The following TRMT9B variants were observed in gnomAD, a reference collection of about 807,000 sequenced individuals.
TRMT9B encodes the protein tRNA methyltransferase 9B (putative).
TRMT9B carries 16 observed loss-of-function variants against 11.5 expected under a neutral mutation model. That is an observed-to-expected ratio of 1.39 (90% confidence interval 0.94 to 2.11). TRMT9B has a LOEUF of 2.11. TRMT9B is among the 30% of genes most tolerant of loss of function. The pLI is 0.00. For synonymous variants in TRMT9B, 274 were observed against 192.4 expected, an observed-to-expected ratio of 1.42 and a Z score of -3.51; for missense variants, 941 against 553.8, an observed-to-expected ratio of 1.70 and a Z score of -7.02.
rs1243464422 is a variant in TRMT9B at position 13,022,087 on chromosome 8, C to G, written c.*43C>G. The G allele has an allele frequency of 7.1e-7, 1 of 1,405,230 alleles. No homozygotes were observed. Among genetic ancestry groups the G allele is most frequent in the South Asian group, 1.4e-5 (1 of 69,946 alleles). 87.0% of individuals were successfully genotyped at this position (1,405,230 alleles called of 1,614,324 possible). On this transcript the variant is annotated 3_prime_UTR_variant, in exon 5 of 5. Coordinates refer to ENST00000524591, the MANE Select transcript of TRMT9B (RefSeq NM_020844.3). ...ACTCCTCCAAAAGATGAACCACATTCTTTCCTCTTGGTTTGATATGGTTAC... is the reference window on the plus strand; with the variant it reads ...ACTCCTCCAAAAGATGAACCACATTGTTTCCTCTTGGTTTGATATGGTTAC...
chr8:13,026,284 A>C lies in TRMT9B; in HGVS notation c.*4240A>C, dbSNP rs1277459166. On this transcript the variant is annotated 3_prime_UTR_variant, in exon 5 of 5. Coordinates refer to ENST00000524591, the MANE Select transcript of TRMT9B (RefSeq NM_020844.3). ...CATTCAACTATCGCAAGGACAAAAA[A>C]CCAAACACCGCATGTTCTCACTCAT... 6.0e-6 allele frequency: 1 copy of C among 167,178 alleles called. No homozygotes were observed. Among genetic ancestry groups the C allele is most frequent in the Non-Finnish European group, 1.5e-5 (1 of 68,160 alleles). 10.4% of individuals were successfully genotyped at this position (167,178 alleles called of 1,614,324 possible).
At chr8:12,950,402 T>C (rs1443394575) in intron 1 of TRMT9B, among the ~76,000 whole-genome samples, 1 of 152,188 alleles carries the variant, frequency 6.6e-6, no homozygotes, top group Non-Finnish European at 1.5e-5. Context: ...ACAAGGAACA[T>C]CACAGTATCC....
intron 1 of TRMT9B, among the ~76,000 whole-genome samples, chr8:12,954,343 T>C (rs1257856776): frequency 6.6e-6 from 1 of 152,214 alleles, no homozygotes; most frequent in African/African-American, 2.4e-5. Flanking sequence ...GTCTCCAAAA[T>C]TTGAAACACA....
At chr8:12,993,569 A>T (rs1457879206) in intron 2 of TRMT9B, among the ~76,000 whole-genome samples, 1 of 152,180 alleles carries the variant, frequency 6.6e-6, no homozygotes, top group East Asian at 1.9e-4. Flanking sequence ...ACTAGCTGAG[A>T]TACTAGGGGA....
intron 1 of TRMT9B, chr8:12,962,294 A>G (rs1348200092): frequency 1.3e-5 from 2 of 152,260 alleles, no homozygotes; most frequent in Non-Finnish European, 2.9e-5. Flanking sequence ...CATTATGTGT[A>G]GAAACCTACA....
At chr8:13,018,446 C>T (rs1169981194) in intron 4 of TRMT9B, among the ~76,000 whole-genome samples, 2 of 150,502 alleles carry the variant, frequency 1.3e-5, no homozygotes, top group African/African-American at 4.9e-5. Context: ...GAAGTCCAAT[C>T]AAATTCTGAA....
intron 3 of TRMT9B, chr8:13,006,613 C>T: frequency 7.2e-7 from 1 of 1,384,108 alleles, no homozygotes; most frequent in South Asian, 1.9e-5. Flanking sequence ...CATTTTACAG[C>T]AGAAACTCGA....
intron 1 of TRMT9B, 73 bp from the exon 2 acceptor site, chr8:12,990,761 C>A: frequency 1.0e-6 from 1 of 1,004,506 alleles, no homozygotes. Flanking sequence ...GTCAGGAAGT[C>A]AGCCTGGGCT....
chr8:12,981,987 G>A (rs1244715769), intron 1 of TRMT9B, among the ~76,000 whole-genome samples: 5 of 152,138 alleles, frequency 3.3e-5, no homozygotes, highest in African/African-American at 9.7e-5. Flanking sequence ...TTGAGATCAT[G>A]ACCTCCTAAA....
chr8:12,983,509 A>C (rs1395771993), intron 1 of TRMT9B, among the ~76,000 whole-genome samples: 1 of 152,092 alleles, frequency 6.6e-6, no homozygotes, highest in African/African-American at 2.4e-5. Flanking sequence ...ATCTCTACTA[A>C]AATTACAGAA....
In TRMT9B at chr8:13,022,041, T is replaced by A; in HGVS notation, c.1362T>A (p.Asp454Glu). 17 of 1,571,094 alleles carry A rather than the reference T, an allele frequency of 1.1e-5. No individual in the cohort carries two copies. The highest frequency in any genetic ancestry group is 1.5e-5 in the Non-Finnish European group (17 of 1,160,500). The change falls in exon 5 of 5, where the codon GAT (aspartate) becomes GAA (glutamate). Residue 454 changes from aspartate to glutamate, a missense_variant. Coordinates refer to ENST00000524591, the MANE Select transcript of TRMT9B (RefSeq NM_020844.3). ...CIIAEKKRGC[D>E] ...TTGCAGAGAAAAAGAGAGGTTGTGA[T>A]TGATTGGATCCTTTTAGACAACTCC...
At chr8:12,961,160 A>C (rs1802049639) in intron 1 of TRMT9B, among the ~76,000 whole-genome samples, 1 of 151,966 alleles carries the variant, frequency 6.6e-6, no homozygotes, top group Admixed American at 6.6e-5. Flanking sequence ...AACAAACAAA[A>C]AACTATTCTG....
intron 3 of TRMT9B, chr8:13,010,699 G>C: frequency 1.0e-6 from 1 of 984,798 alleles, no homozygotes; most frequent in South Asian, 4.7e-5. Context: ...TAATATCATT[G>C]AAGTAACTTT....
At chr8:12,999,172 G>C (rs1002650026) in intron 2 of TRMT9B, among the ~76,000 whole-genome samples, 1 of 151,888 alleles carries the variant, frequency 6.6e-6, no homozygotes, top group Non-Finnish European at 1.5e-5. Context: ...GGTGGTACGT[G>C]CCTATAATTC....
At chr8:13,014,076 T>G (rs1179028455) in intron 4 of TRMT9B, among the ~76,000 whole-genome samples, 1 of 152,202 alleles carries the variant, frequency 6.6e-6, no homozygotes, top group Non-Finnish European at 1.5e-5. Context: ...CTAAAATAGA[T>G]GAAAGATTGA....
chr8:13,009,929 C>A (rs1037024066), intron 3 of TRMT9B, among the ~76,000 whole-genome samples: 2 of 151,972 alleles, frequency 1.3e-5, no homozygotes, highest in African/African-American at 4.8e-5. Flanking sequence ...GAGTTCGAGA[C>A]CAGCCTGGAA....
chr8:13,003,721 G>C (rs1809887172), intron 2 of TRMT9B, among the ~76,000 whole-genome samples: 1 of 151,528 alleles, frequency 6.6e-6, no homozygotes, highest in East Asian at 1.9e-4. Context: ...AACTGAGGGG[G>C]ATAGTGTGGA....
rs1367030296 is a variant in TRMT9B, at chr8:13,013,374, C to A, written c.328+517C>A. 2.0e-5 allele frequency among the ~76,000 whole-genome samples: 3 copies of A among 152,220 alleles called. No individual in the cohort carries two copies. The East Asian group carries it at 5.8e-4, about 29-fold the overall frequency. ...CTTGGATTGCATTGTTTTTATAATG[C>A]CACTCTGCTCATTTGCTGCCAGAGA... On this transcript the variant is annotated intron_variant, in intron 4 of 4. Coordinates refer to ENST00000524591, the MANE Select transcript of TRMT9B (RefSeq NM_020844.3).
intron 3 of TRMT9B, chr8:13,010,946 TG>T (rs5889412): frequency 0.34 from 307,492 of 911,270 alleles, 55,147 homozygotes; most frequent in Middle Eastern, 0.53. Context: ...AGAAATAATA[TG>T]GTCACATTTA....
Sources: gnomAD v4.1 joint callset for allele counts (sites outside exome capture counted in the v4.1 genomes callset) on GRCh38, gnomAD v4.1.1 for gene constraint, MANE v1.5 for transcripts, NCBI Gene and HGNC (gene_info 2026-07-23, HGNC 2026-07-21) for gene names.